Variants in CPNE5 observed in about 807,000 individuals in gnomAD.
CPNE5 encodes the protein copine 5.
CPNE5 carries 42 observed loss-of-function variants against 81.1 expected under a neutral mutation model. That is an observed-to-expected ratio of 0.52 (90% CI 0.40 to 0.67). The LOEUF (loss-of-function observed/expected upper bound fraction) is 0.67, where lower values mean the gene tolerates loss of function less well. Ranked by LOEUF, CPNE5 falls within the 30% of genes least tolerant of loss-of-function variation. The pLI, the probability that CPNE5 is intolerant of heterozygous loss-of-function variation, is 0.00. For missense variants in CPNE5, 612 were observed against 815.5 expected (o/e 0.75, Z 3.04); for synonymous variants, 313 against 321.5 (o/e 0.97, Z 0.28).
chr6:36,839,850 C>A (rs935744488), upstream of CPNE5: 3 of 150,856 alleles, frequency 2.0e-5, no homozygotes, highest in African/African-American at 7.3e-5. The surrounding 1 kb of genome is among the most constrained non-coding windows in gnomAD (Gnocchi z 7.3). Context: ...GGCGGGGCGC[C>A]GGCAGCGCGG....
In CPNE5 at chr6:36,781,386, A is replaced by G. The variant is rs547720431; in HGVS notation, c.529-2429T>C. Reference sequence around the variant, plus strand: ...GTGTTAAGCCTTCATACTTTATACAACCATACAAAATAACTCTTGTTTCCC... The same window carrying G: ...GTGTTAAGCCTTCATACTTTATACAGCCATACAAAATAACTCTTGTTTCCC... On this transcript the variant is annotated intron_variant, in intron 8 of 20. Transcript: ENST00000244751. 2.8e-5 allele frequency among the ~76,000 whole-genome samples: 4 copies of G among 145,252 alleles called. No individual in the cohort carries two copies. In the East Asian group the frequency reaches 7.9e-4, roughly 29 times the overall value.
intron 10 of CPNE5, among the ~76,000 whole-genome samples, chr6:36,771,088 C>A (rs528432563): frequency 6.6e-6 from 1 of 152,220 alleles, no homozygotes; most frequent in East Asian, 1.9e-4. Context: ...CTCTCCTCTC[C>A]CCTCTGAATT....
intron 12 of CPNE5, among the ~76,000 whole-genome samples, chr6:36,760,329 C>T (rs963385394): frequency 1.3e-5 from 2 of 151,988 alleles, no homozygotes; most frequent in African/African-American, 2.4e-5. Context: ...ATCTCAGCTG[C>T]GGTGGGAGCA....
At chr6:36,803,518 G>A (rs1013630299) in intron 3 of CPNE5, among the ~76,000 whole-genome samples, 5 of 152,190 alleles carry the variant, frequency 3.3e-5, no homozygotes, top group Non-Finnish European at 7.3e-5. Flanking sequence ...CACAGCCGCG[G>A]GTTTAGATCA....
intron 8 of CPNE5, among the ~76,000 whole-genome samples, chr6:36,779,992 G>A (rs1767890512): frequency 6.8e-6 from 1 of 147,512 alleles, no homozygotes; most frequent in South Asian, 2.1e-4. Flanking sequence ...TTGAGACGGT[G>A]TCTCACTCTG....
chr6:36,790,104 C>G (rs1444045824), intron 8 of CPNE5, among the ~76,000 whole-genome samples: 2 of 152,106 alleles, frequency 1.3e-5, no homozygotes, highest in African/African-American at 4.8e-5. Context: ...GGCTGTGTGA[C>G]CTTGGACCGA....
In CPNE5 at chr6:36,813,345, A is replaced by T. The variant is rs547347946; in HGVS notation, c.183+8769T>A. Among the ~76,000 whole-genome samples the T allele has an allele frequency of 7.9e-5, 12 of 152,314 alleles. No homozygotes were observed. The South Asian group carries it at 2.5e-3, about 32-fold the overall frequency. Reference sequence around the variant, plus strand: ...CAGGAGTTCAAGACCAGCCTGCTCAACATGGTGAAACTCTGCCTCTACTAA... The same window carrying T: ...CAGGAGTTCAAGACCAGCCTGCTCATCATGGTGAAACTCTGCCTCTACTAA... On this transcript the variant is annotated intron_variant, in intron 3 of 20. Coordinates refer to ENST00000244751, the MANE Select transcript of CPNE5 (RefSeq NM_020939.2).
Position 36,782,708 on chromosome 6 carries a change from C to T in CPNE5, c.529-3751G>A, listed in dbSNP as rs563579249. On this transcript the variant is annotated intron_variant, in intron 8 of 20. Coordinates refer to ENST00000244751, the MANE Select transcript of CPNE5 (RefSeq NM_020939.2). ...ACTTGGGAAGCTGAGGCAGGAGAATCGCTAGAACCTGGGAGGTGGAGGTTG... is the reference window on the plus strand; with the variant it reads ...ACTTGGGAAGCTGAGGCAGGAGAATTGCTAGAACCTGGGAGGTGGAGGTTG... Among the ~76,000 whole-genome samples, 5 of 139,126 alleles carry T rather than the reference C, an allele frequency of 3.6e-5. No individual in the cohort carries two copies. The East Asian group carries it at 7.6e-4, about 21-fold the overall frequency. The allele number at this position is 139,126 out of a possible 152,430, so 91.3% of individuals were successfully genotyped here. A position where few individuals can be genotyped will look rare whatever the true frequency, so the allele number is the denominator to read the frequency against.
chr6:36,779,065 A>G, intron 8 of CPNE5, 108 bp from the exon 9 acceptor site: 1 of 737,488 alleles, frequency 1.4e-6, no homozygotes. Context: ...GTTGGAATGC[A>G]CCGACTAAGT....
intron 1 of CPNE5, among the ~76,000 whole-genome samples, chr6:36,825,261 C>G (rs1206830300): frequency 6.6e-6 from 1 of 152,196 alleles, no homozygotes; most frequent in Non-Finnish European, 1.5e-5. Context: ...AGCCTGAGGC[C>G]TACACATGGC....
intron 8 of CPNE5, among the ~76,000 whole-genome samples, chr6:36,782,486 C>T (rs143645416): frequency 7.2e-4 from 109 of 152,240 alleles, no homozygotes; most frequent in African/African-American, 2.6e-3. Flanking sequence ...GGGCTGCTGT[C>T]TCAGCCTAGC....
At chr6:36,813,131 AAATTAT>A (rs2150566053) in intron 3 of CPNE5, among the ~76,000 whole-genome samples, 1 of 152,316 alleles carries the variant, frequency 6.6e-6, no homozygotes, top group East Asian at 1.9e-4. Flanking sequence ...ACAAGACTGC[AAATTAT>A]CTTCCTGCTT....
intron 10 of CPNE5, among the ~76,000 whole-genome samples, chr6:36,774,680 A>T (rs1307064075): frequency 6.6e-6 from 1 of 152,230 alleles, no homozygotes; most frequent in Admixed American, 6.5e-5. Context: ...GGAGTTTCCC[A>T]CCAGTGGGGA....
chr6:36,757,314 A>G (rs2150397603), intron 12 of CPNE5: 1 of 985,048 alleles, frequency 1.0e-6, no homozygotes, highest in Non-Finnish European at 1.2e-6. Context: ...TTTCTGGTGA[A>G]CTCATTTCCC....
rs537500915 is a variant in CPNE5 at position 36,760,978 on chromosome 6, C to T, written c.855+1939G>A. ...CTTCCGATGTGTGCAGACAGTGCTT[C>T]TGCCTCCCAGTGTGGCACTTTCTCT... On this transcript the variant is annotated intron_variant, in intron 12 of 20. Transcript: ENST00000244751. Among the ~76,000 whole-genome samples the T allele has an allele frequency of 3.9e-5, 6 of 152,362 alleles. No homozygotes were observed. In the South Asian group the frequency reaches 1.2e-3, roughly 32 times the overall value.
intron 10 of CPNE5, among the ~76,000 whole-genome samples, chr6:36,773,925 G>A (rs1421090482): frequency 6.6e-6 from 1 of 152,106 alleles, no homozygotes; most frequent in Non-Finnish European, 1.5e-5. Flanking sequence ...AATTAGCCGG[G>A]CGTGGTGGTG....
chr6:36,762,786 T>C (rs1413420577), intron 12 of CPNE5, 131 bp downstream of exon 12: 3 of 729,028 alleles, frequency 4.1e-6, no homozygotes, highest in Non-Finnish European at 2.4e-6. Flanking sequence ...TCCTTAACGG[T>C]AGAATGGGAC....
At chr6:36,820,976 G>A (rs1299307384) in intron 3 of CPNE5, among the ~76,000 whole-genome samples, 20 of 151,982 alleles carry the variant, frequency 1.3e-4, no homozygotes, top group Admixed American at 1.3e-3. Flanking sequence ...ACCAGGGTAT[G>A]GGAGATGAGA....
chr6:36,747,276 G>C (rs9394380), intron 15 of CPNE5, among the ~76,000 whole-genome samples: 1 of 151,458 alleles, frequency 6.6e-6, no homozygotes, highest in African/African-American at 2.4e-5. Flanking sequence ...CCTCTTCGCT[G>C]CCAATATAGT....
Sources: allele counts gnomAD v4.1 joint callset (sites outside exome capture counted in the v4.1 genomes callset), GRCh38; gene constraint gnomAD v4.1.1; non-coding constraint Gnocchi (gnomAD v3.1); transcripts MANE v1.5; gene names NCBI Gene and HGNC (gene_info 2026-07-23, HGNC 2026-07-21).